PLCE1: variants seen among roughly 807,000 people sequenced by gnomAD.
PLCE1 encodes the protein 1-phosphatidylinositol 4,5-bisphosphate phosphodiesterase epsilon-1.
Under a neutral mutation model 242.8 loss-of-function variants are expected in PLCE1, and 119 were observed. The ratio of observed to expected loss-of-function variants is 0.49; its 90% CI spans 0.42 to 0.57. The LOEUF (loss-of-function observed/expected upper bound fraction) is 0.57, where lower values mean the gene tolerates loss of function less well. Among genes scored for constraint, PLCE1 ranks in the 20% least tolerant of loss-of-function variants. The pLI is 0.00. For synonymous variants in PLCE1, 945 were observed against 1,017.4 expected (o/e 0.93, Z 1.35); for missense variants, 2,441 against 2,788.8 (o/e 0.88, Z 2.81).
intron 18 of PLCE1, among the ~76,000 whole-genome samples, chr10:94,271,736 G>A (rs777123487): frequency 1.3e-5 from 2 of 152,132 alleles, no homozygotes; most frequent in Non-Finnish European, 2.9e-5. Flanking sequence ...TGTATCAGGG[G>A]AACCTGCCCC....
intron 21 of PLCE1, 81 bp downstream of exon 21, chr10:94,283,992 T>C: frequency 6.6e-7 from 1 of 1,507,422 alleles, no homozygotes; most frequent in South Asian, 1.1e-5. Flanking sequence ...ACTTGCTCCC[T>C]GTCCCTCCCT....
chr10:94,001,462 A>G (rs560479350), intron 1 of PLCE1, among the ~76,000 whole-genome samples: 15 of 152,364 alleles, frequency 9.8e-5, no homozygotes, highest in Middle Eastern at 3.4e-3. Flanking sequence ...TAATAATAAT[A>G]AAACAGTAAG....
intron 2 of PLCE1, among the ~76,000 whole-genome samples, chr10:94,114,916 C>A (rs977801323): frequency 2.6e-5 from 4 of 151,954 alleles, no homozygotes; most frequent in East Asian, 1.9e-4. Flanking sequence ...ATCCCTCCCC[C>A]CTTCCCCCAT....
At chr10:94,204,246 T>C (rs750711090) in intron 4 of PLCE1, among the ~76,000 whole-genome samples, 1 of 152,002 alleles carries the variant, frequency 6.6e-6, no homozygotes, top group African/African-American at 2.4e-5. Context: ...TCTCATTATC[T>C]GAAAAAGAAA....
intron 1 of PLCE1, among the ~76,000 whole-genome samples, chr10:94,021,062 C>T (rs944189250): frequency 2.6e-5 from 4 of 151,994 alleles, no homozygotes; most frequent in Non-Finnish European, 4.4e-5. Context: ...AACTCCTGGC[C>T]TCAAGTGATC....
chr10:94,201,538 T>C (rs1228151882), intron 4 of PLCE1, among the ~76,000 whole-genome samples: 1 of 152,184 alleles, frequency 6.6e-6, no homozygotes, highest in Non-Finnish European at 1.5e-5. Context: ...TGCAGTGGCA[T>C]GATCTCGGCT....
At chr10:94,324,654 T>TCC (rs2053942688) in intron 31 of PLCE1, 87 bp downstream of exon 31, 1 of 1,176,458 alleles carries the variant, frequency 8.5e-7, no homozygotes, top group African/African-American at 1.5e-5. Context: ...TGGTGAAATT[T>TCC]AGGAGAAAGT....
intron 22 of PLCE1, among the ~76,000 whole-genome samples, chr10:94,290,427 C>A (rs2052603476): frequency 6.9e-6 from 1 of 145,532 alleles, no homozygotes; most frequent in African/African-American, 2.5e-5. Flanking sequence ...TTTTTTACTT[C>A]ATTTTATTTT....
intron 3 of PLCE1, 21 bp from the exon 4 acceptor site, chr10:94,171,159 A>T (rs2136318168): frequency 1.2e-6 from 2 of 1,608,678 alleles, no homozygotes; most frequent in South Asian, 1.1e-5. Context: ...TGTAACCACG[A>T]CTTCTGTTGC....
chr10:94,018,150 T>C (rs1168607020), intron 1 of PLCE1, among the ~76,000 whole-genome samples: 1 of 152,174 alleles, frequency 6.6e-6, no homozygotes, highest in East Asian at 1.9e-4. Context: ...TAATTTAAAA[T>C]TGCTTATAAT....
chr10:94,148,786 C>T (rs2047190682), intron 3 of PLCE1, among the ~76,000 whole-genome samples: 1 of 152,184 alleles, frequency 6.6e-6, no homozygotes, highest in Non-Finnish European at 1.5e-5. Flanking sequence ...TTCAGCAAAG[C>T]GTAGACGTCA....
At chr10:94,167,241 A>C (rs1209187687) in intron 3 of PLCE1, among the ~76,000 whole-genome samples, 1 of 151,978 alleles carries the variant, frequency 6.6e-6, no homozygotes, top group South Asian at 2.1e-4. Flanking sequence ...GTGCCACTGC[A>C]CTCCAGCCTG....
chr10:94,204,747 G>A (rs185086549), intron 4 of PLCE1, among the ~76,000 whole-genome samples: 4 of 132,328 alleles, frequency 3.0e-5, no homozygotes, highest in African/African-American at 1.2e-4. Context: ...AAGAAGGGAG[G>A]GAGGAAGGAA....
chr10:94,174,545 C>G (rs972397083), intron 4 of PLCE1, among the ~76,000 whole-genome samples: 11 of 152,244 alleles, frequency 7.2e-5, no homozygotes, highest in Non-Finnish European at 1.0e-4. Context: ...ACCCGGTAGA[C>G]ACTGGCTTGA....
At chr10:94,085,492 C>G (rs1442805983) in intron 2 of PLCE1, among the ~76,000 whole-genome samples, 1 of 152,168 alleles carries the variant, frequency 6.6e-6, no homozygotes, top group Non-Finnish European at 1.5e-5. Context: ...GGGGGTAGAG[C>G]TGTGCTTGGA....
At chr10:94,246,742 G>A (rs1392707546) in intron 8 of PLCE1, 121 bp downstream of exon 8, 2 of 899,976 alleles carry the variant, frequency 2.2e-6, no homozygotes, top group Non-Finnish European at 3.5e-6. Flanking sequence ...GTGACCTTGG[G>A]CAGCTTTTAC....
intron 1 of PLCE1, among the ~76,000 whole-genome samples, chr10:94,024,400 G>A (rs2061424239): frequency 6.6e-6 from 1 of 152,180 alleles, no homozygotes; most frequent in South Asian, 2.1e-4. Context: ...TGGATGAAAT[G>A]TTCTTCTGAG....
At chr10:94,150,250 C>A (rs2047234145) in intron 3 of PLCE1, among the ~76,000 whole-genome samples, 1 of 152,198 alleles carries the variant, frequency 6.6e-6, no homozygotes, top group Admixed American at 6.5e-5. Context: ...GAATTATAAT[C>A]CTCATTTCAA....
chr10:94,237,136 C>T (rs149069802), intron 7 of PLCE1, among the ~76,000 whole-genome samples: 1 of 151,982 alleles, frequency 6.6e-6, no homozygotes, highest in Non-Finnish European at 1.5e-5. Context: ...AGAAGAATGC[C>T]TTCTCCTCAT....
Sources: gnomAD v4.1 joint callset for allele counts (sites outside exome capture counted in the v4.1 genomes callset) on GRCh38, gnomAD v4.1.1 for gene constraint, MANE v1.5 for transcripts, NCBI Gene and HGNC (gene_info 2026-07-23, HGNC 2026-07-21) for gene names.